Variants in MARK3 observed in about 807,000 individuals in gnomAD.
MARK3 encodes the protein MAP/microtubule affinity-regulating kinase 3.
A neutral mutation model predicts 90.1 loss-of-function variants in MARK3; 46 were observed. The ratio of observed to expected loss-of-function variants is 0.51; its 90% CI spans 0.40 to 0.65. The LOEUF (loss-of-function observed/expected upper bound fraction) is 0.65. Ranked by LOEUF, MARK3 falls within the 30% of genes least tolerant of loss-of-function variation. The pLI, the probability that MARK3 is intolerant of heterozygous loss-of-function variation, is 0.00. For synonymous variants in MARK3, 321 were observed against 332.6 expected (o/e 0.97, Z 0.38); for missense variants, 818 against 947.2 (o/e 0.86, Z 1.79).
intron 2 of MARK3, among the ~76,000 whole-genome samples, chr14:103,415,672 C>T (rs2091913203): frequency 6.6e-6 from 1 of 152,156 alleles, no homozygotes; most frequent in Admixed American, 6.5e-5. Context: ...AGACCTTTCC[C>T]CTCACACGAA....
chr14:103,464,174 A>C (rs2093457338), intron 7 of MARK3, among the ~76,000 whole-genome samples: 1 of 151,830 alleles, frequency 6.6e-6, no homozygotes, highest in African/African-American at 2.4e-5. Context: ...ACTGTGAGCT[A>C]CTGAGGGTAG....
intron 15 of MARK3, 32 bp from the exon 16 acceptor site, chr14:103,498,470 A>ATTTTTTTTTTTTTTTTATT (rs202211193): frequency 1.0e-6 from 1 of 960,764 alleles, no homozygotes; most frequent in African/African-American, 1.8e-5. Context: ...ATTTTTGTTA[A>ATTTTTTTTTTTTTTTTATT]TTTTTTTTTT....
At chr14:103,440,445 G>C (rs1342073601) in intron 3 of MARK3, among the ~76,000 whole-genome samples, 1 of 152,174 alleles carries the variant, frequency 6.6e-6, no homozygotes, top group East Asian at 1.9e-4. Context: ...GAGAGCACAA[G>C]TAATGTAGCA....
rs149406280 is a variant in MARK3 at position 103,388,572 on chromosome 14, T to C, written c.51+2492T>C. ...TGTTCATCTGTTTTAAGTATACAGT[T>C]TGGTGAATTTTGACAAGCGTATAGT... On this transcript the variant is annotated intron_variant, in intron 1 of 17. Transcript: ENST00000429436. Among the ~76,000 whole-genome samples, 139 of 152,304 alleles carry C rather than the reference T, an allele frequency of 9.1e-4. 2 individuals carry two copies. Among genetic ancestry groups the C allele is most frequent in the African/African-American group, 3.3e-3 (138 of 41,544 alleles).
At chr14:103,442,113 A>G (rs1226550870) in intron 3 of MARK3, among the ~76,000 whole-genome samples, 1 of 152,128 alleles carries the variant, frequency 6.6e-6, no homozygotes, top group Non-Finnish European at 1.5e-5. Flanking sequence ...TCACACCTGT[A>G]ATCCCAGCAC....
intron 6 of MARK3, among the ~76,000 whole-genome samples, chr14:103,461,521 C>T (rs181002996): frequency 1.3e-5 from 2 of 152,254 alleles, no homozygotes; most frequent in East Asian, 1.9e-4. Context: ...TCACGTACGT[C>T]GCAACATTCA....
At chr14:103,457,808 TGA>T (rs1283266815) in intron 6 of MARK3, among the ~76,000 whole-genome samples, 2 of 152,262 alleles carry the variant, frequency 1.3e-5, no homozygotes, top group Non-Finnish European at 1.5e-5. Flanking sequence ...AGCTGCCTTG[TGA>T]GTTAAGGACT....
At position 103,402,010 on chromosome 14, in the gene MARK3, A is replaced by C. The variant is rs546507248; in HGVS notation, c.52-3066A>C. ...ACTCAAAGCTAGAGTCTACTGGCTG[A>C]TGTCGTGGGAGAGGAAGAAGAGATG... On this transcript the variant is annotated intron_variant, in intron 1 of 17. Coordinates refer to ENST00000429436, the MANE Select transcript of MARK3 (RefSeq NM_001128918.3). 1.1e-4 allele frequency among the ~76,000 whole-genome samples: 17 copies of C among 152,286 alleles called. No homozygotes were observed. The South Asian group carries it at 3.5e-3, about 32-fold the overall frequency.
chr14:103,441,289 G>GT (rs1451491411), intron 3 of MARK3, among the ~76,000 whole-genome samples: 2 of 150,870 alleles, frequency 1.3e-5, no homozygotes, highest in African/African-American at 4.9e-5. Context: ...TTGTTTTTTT[G>GT]TTTTTTTGTT....
intron 14 of MARK3, among the ~76,000 whole-genome samples, chr14:103,489,016 G>T (rs2093976650): frequency 6.6e-6 from 1 of 152,186 alleles, no homozygotes; most frequent in East Asian, 1.9e-4. Context: ...TACACTGGTG[G>T]GGGGCACATT....
intron 1 of MARK3, among the ~76,000 whole-genome samples, chr14:103,388,899 A>G (rs2090011394): frequency 6.6e-6 from 1 of 151,884 alleles, no homozygotes; most frequent in Admixed American, 6.6e-5. Context: ...ATGTGCCACA[A>G]TTTTTTTTAA....
At chr14:103,392,027 A>G (rs1262148313) in intron 1 of MARK3, among the ~76,000 whole-genome samples, 1 of 152,166 alleles carries the variant, frequency 6.6e-6, no homozygotes, top group Non-Finnish European at 1.5e-5. Flanking sequence ...TTATTGGCCA[A>G]AGTACCAGAG....
intron 5 of MARK3, 70 bp downstream of exon 5, chr14:103,452,053 C>T (rs2141347299): frequency 2.0e-6 from 2 of 977,976 alleles, no homozygotes; most frequent in East Asian, 2.4e-5. Context: ...AACCATACTG[C>T]CCATATGGGT....
In MARK3 at chr14:103,405,772, G is replaced by C. The variant is rs1467306120; in HGVS notation, c.243+505G>C. Among the ~76,000 whole-genome samples, 3 of 109,396 alleles carry C rather than the reference G, an allele frequency of 2.7e-5. No homozygotes were observed. In the Admixed American group the frequency reaches 2.8e-4, roughly 10 times the overall value. 71.8% of individuals were successfully genotyped at this position (109,396 alleles called of 152,430 possible). A position where few individuals can be genotyped will look rare whatever the true frequency, so the allele number is the denominator to read the frequency against. ...AATTTTTTTTTTTTTTTGTATTTTT[G>C]TATTTTTGTAGAGACGGGGTTTCAC... On this transcript the variant is annotated intron_variant, in intron 2 of 17. Transcript: ENST00000429436.
intron 1 of MARK3, among the ~76,000 whole-genome samples, chr14:103,398,954 G>T (rs1400910514): frequency 6.6e-6 from 1 of 152,124 alleles, no homozygotes; most frequent in African/African-American, 2.4e-5. Flanking sequence ...TTTACAGAAG[G>T]GATCAAGTTC....
At chr14:103,451,365 C>G (rs919626151) in intron 4 of MARK3, among the ~76,000 whole-genome samples, 1 of 152,168 alleles carries the variant, frequency 6.6e-6, no homozygotes, top group Admixed American at 6.5e-5. Flanking sequence ...GATTCCCCCC[C>G]TCAATTAATT....
intron 7 of MARK3, among the ~76,000 whole-genome samples, chr14:103,464,009 C>T (rs556086228): frequency 2.1e-4 from 32 of 152,180 alleles, no homozygotes; most frequent in Non-Finnish European, 4.1e-4. Context: ...ATCAACACAT[C>T]CATTATGATC....
intron 3 of MARK3, among the ~76,000 whole-genome samples, chr14:103,442,394 C>T (rs1397675582): frequency 2.0e-5 from 3 of 151,610 alleles, no homozygotes; most frequent in Non-Finnish European, 4.4e-5. Context: ...AACAGCACTT[C>T]CATTAGCCCA....
chr14:103,485,480 C>A (rs2093912466), intron 14 of MARK3, among the ~76,000 whole-genome samples: 1 of 151,780 alleles, frequency 6.6e-6, no homozygotes, highest in Non-Finnish European at 1.5e-5. Flanking sequence ...CCCATGTTAC[C>A]CAGGCTGGTC....
Sources: allele counts gnomAD v4.1 joint callset (sites outside exome capture counted in the v4.1 genomes callset), GRCh38; gene constraint gnomAD v4.1.1; transcripts MANE v1.5; gene names NCBI Gene and HGNC (gene_info 2026-07-23, HGNC 2026-07-21).